The following CLDN14 variants were observed in gnomAD, a reference collection of about 807,000 sequenced individuals.
CLDN14 encodes claudin 14.
Under a neutral mutation model 2.1 loss-of-function variants are expected in CLDN14, and 2 were observed. The observed-to-expected ratio is 0.96, with a 90% CI of 0.39 to 3.01. CLDN14 has a LOEUF of 3.01. CLDN14 is among the 30% of genes most tolerant of loss of function. CLDN14 has a pLI of 0.09. For missense variants in CLDN14, 298 were observed against 328.0 expected, an observed-to-expected ratio of 0.91 and a Z score of 0.71; for synonymous variants, 136 against 154.4, an observed-to-expected ratio of 0.88 and a Z score of 0.88.
chr21:36,508,778 A>G (rs1764047605), intron 2 of CLDN14, among the ~76,000 whole-genome samples: 1 of 152,212 alleles, frequency 6.6e-6, no homozygotes, highest in South Asian at 2.1e-4. Flanking sequence ...TGGAGAGACA[A>G]TGGTCTTTTT....
chr21:36,523,772 A>T (rs2087294438), intron 1 of CLDN14, among the ~76,000 whole-genome samples: 1 of 26,794 alleles, frequency 3.7e-5, no homozygotes, highest in Non-Finnish European at 1.4e-4. Flanking sequence ...AGAAAGAAAG[A>T]GAGAAAGAGA....
At chr21:36,491,631 G>A (rs1270762446) in intron 2 of CLDN14, among the ~76,000 whole-genome samples, 8 of 152,158 alleles carry the variant, frequency 5.3e-5, no homozygotes, top group Non-Finnish European at 8.8e-5. Flanking sequence ...AACAAGGAGG[G>A]GTATAAGCAA....
intron 1 of CLDN14, among the ~76,000 whole-genome samples, chr21:36,469,210 C>T (rs117392071): frequency 0.023 from 3,539 of 152,270 alleles, 76 homozygotes; most frequent in Admixed American, 0.067. Flanking sequence ...GATGAGAAAG[C>T]GATCAAGCAA....
intron 1 of CLDN14, among the ~76,000 whole-genome samples, chr21:36,522,526 GC>G (rs1907613009): frequency 6.6e-6 from 1 of 152,130 alleles, no homozygotes; most frequent in Non-Finnish European, 1.5e-5. Context: ...CTGTTCAGCC[GC>G]CCTCGTTTTC....
intron 2 of CLDN14, among the ~76,000 whole-genome samples, chr21:36,509,313 G>C (rs2087164171): frequency 6.6e-6 from 1 of 152,228 alleles, no homozygotes; most frequent in African/African-American, 2.4e-5. Context: ...GGAATGGAAA[G>C]CAGGAGTGGC....
intron 1 of CLDN14, among the ~76,000 whole-genome samples, chr21:36,563,346 C>G (rs567741858): frequency 9.9e-5 from 15 of 152,124 alleles, no homozygotes; most frequent in Admixed American, 3.9e-4. Context: ...GGCTACCCAA[C>G]TGGATATGTT....
intron 2 of CLDN14, among the ~76,000 whole-genome samples, chr21:36,508,115 C>G (rs559063422): frequency 2.7e-4 from 41 of 152,188 alleles, no homozygotes; most frequent in Non-Finnish European, 5.3e-4. Context: ...TGCTCTTGGC[C>G]GAAGAGTATT....
chr21:36,463,049 A>AT (rs2086600029), intron 1 of CLDN14, among the ~76,000 whole-genome samples: 1 of 151,750 alleles, frequency 6.6e-6, no homozygotes, highest in African/African-American at 2.4e-5. Context: ...AAGGAAGGAA[A>AT]AAAAGGAAGG....
rs1025124847 is a variant in CLDN14, at chr21:36,498,848, G to C, written c.-82+11515C>G. Among the ~76,000 whole-genome samples the C allele has an allele frequency of 2.6e-5, 4 of 152,106 alleles. No homozygotes were observed. The highest frequency in any genetic ancestry group is 4.4e-5 in the Non-Finnish European group (3 of 68,032). The stretch of plus-strand genomic sequence containing the variant: ...AGGTGGCCGCTGAGGGGCCCTCATG[G>C]GGGCTGAAATTCAACCAAGGCTTGA... On this transcript the variant is annotated intron_variant, in intron 2 of 2. Coordinates refer to the CLDN14 transcript ENST00000342108. The surrounding 1 kb of genome is among the most constrained non-coding windows in gnomAD (Gnocchi z 4.9).
Position 36,542,333 on chromosome 21 carries a change from T to A in CLDN14, c.-219-31833A>T, listed in dbSNP as rs966732859. On this transcript the variant is annotated intron_variant, in intron 1 of 2. Transcript: ENST00000342108. ...TCACGCTGCCCGGAAAATTCTGACT[T>A]CCCTCACCTTGGGAGAGCAAGGCTC... Among the ~76,000 whole-genome samples the A allele has an allele frequency of 2.0e-5, 3 of 152,276 alleles. No individual in the cohort carries two copies. In the East Asian group the frequency reaches 5.8e-4, roughly 29 times the overall value.
intron 2 of CLDN14, among the ~76,000 whole-genome samples, chr21:36,508,793 CT>C (rs1374758024): frequency 3.9e-5 from 6 of 152,230 alleles, no homozygotes; most frequent in African/African-American, 1.4e-4. Flanking sequence ...CTTTTTAGCA[CT>C]CCCCTTGGGG....
At chr21:36,525,396 A>G (rs1034289641) in intron 1 of CLDN14, among the ~76,000 whole-genome samples, 9 of 151,388 alleles carry the variant, frequency 5.9e-5, no homozygotes, top group African/African-American at 2.2e-4. Flanking sequence ...AAATGAAAAA[A>G]AAAAGAAATA....
At chr21:36,467,306 AATC>A (rs1298648011) in intron 1 of CLDN14, among the ~76,000 whole-genome samples, 1 of 152,134 alleles carries the variant, frequency 6.6e-6, no homozygotes, top group Non-Finnish European at 1.5e-5. Context: ...GCTCCAAATT[AATC>A]ATCATTTCAA....
intron 1 of CLDN14, among the ~76,000 whole-genome samples, chr21:36,517,940 G>A (rs1420255919): frequency 6.6e-6 from 1 of 152,180 alleles, no homozygotes; most frequent in Non-Finnish European, 1.5e-5. Context: ...TCTGCCTGCA[G>A]ATGGCCTTTG....
intron 1 of CLDN14, among the ~76,000 whole-genome samples, chr21:36,554,589 A>C (rs770466231): frequency 6.6e-6 from 1 of 152,204 alleles, no homozygotes; most frequent in Non-Finnish European, 1.5e-5. Flanking sequence ...CATATGGGGA[A>C]GGCAAGGCAC....
chr21:36,477,273 C>G (rs2086790744), intron 1 of CLDN14: 1 of 152,194 alleles, frequency 6.6e-6, no homozygotes, highest in Non-Finnish European at 1.5e-5. Context: ...ATTTTCCCCC[C>G]TTAAAACAAT....
chr21:36,528,260 G>A (rs2087350308), intron 1 of CLDN14, among the ~76,000 whole-genome samples: 1 of 152,134 alleles, frequency 6.6e-6, no homozygotes, highest in Admixed American at 6.5e-5. Flanking sequence ...CATGTGCCAG[G>A]CAGTGTGGTT....
chr21:36,519,993 G>C (rs1454641864), intron 1 of CLDN14, among the ~76,000 whole-genome samples: 1 of 152,204 alleles, frequency 6.6e-6, no homozygotes, highest in Non-Finnish European at 1.5e-5. Flanking sequence ...GTGGTTTGTA[G>C]CAATAGTAAT....
At chr21:36,506,948 G>C (rs950450814) in intron 2 of CLDN14, among the ~76,000 whole-genome samples, 1 of 151,856 alleles carries the variant, frequency 6.6e-6, no homozygotes, top group Admixed American at 6.6e-5. Flanking sequence ...GCAAGACCCT[G>C]TCTCTAAAAA....
Sources: allele counts gnomAD v4.1 joint callset (sites outside exome capture counted in the v4.1 genomes callset), GRCh38; gene constraint gnomAD v4.1.1; non-coding constraint Gnocchi (gnomAD v3.1); transcripts MANE v1.5; gene names NCBI Gene and HGNC (gene_info 2026-07-23, HGNC 2026-07-21).